The following SCP2 variants were observed in gnomAD, a reference collection of about 807,000 sequenced individuals.
The protein encoded by SCP2 is sterol carrier protein 2, also known as SCP-2/3-oxoacyl-CoA thiolase.
A neutral mutation model predicts 71.4 loss-of-function variants in SCP2; 48 were observed. That is an observed-to-expected ratio of 0.67 (90% CI 0.53 to 0.86). The LOEUF is 0.86. Among genes scored for constraint, SCP2 ranks in the 40% least tolerant of loss-of-function variants. SCP2 has a pLI of 0.00. For synonymous variants in SCP2, 220 were observed against 218.1 expected (o/e 1.01, Z -0.08); for missense variants, 560 against 655.6 (o/e 0.85, Z 1.59).
intron 13 of SCP2, among the ~76,000 whole-genome samples, chr1:53,036,621 TG>T (rs1338456252): frequency 1.3e-5 from 2 of 150,032 alleles, no homozygotes; most frequent in African/African-American, 2.4e-5. Context: ...CTACTTTTTC[TG>T]TTTAATATAA....
At chr1:52,940,725 C>T (rs1187535387) in intron 1 of SCP2, among the ~76,000 whole-genome samples, 1 of 152,170 alleles carries the variant, frequency 6.6e-6, no homozygotes, top group African/African-American at 2.4e-5. Context: ...ACCTAAGGTA[C>T]TTTTATGTTC....
At chr1:52,934,831 A>AT (rs1653547988) in intron 1 of SCP2, 1 of 148,678 alleles carries the variant, frequency 6.7e-6, no homozygotes, top group African/African-American at 2.4e-5. Flanking sequence ...CGCCCGGCTA[A>AT]TTTTTTTGTA....
At chr1:52,991,017 G>C (rs913966050) in intron 11 of SCP2, among the ~76,000 whole-genome samples, 2 of 152,138 alleles carry the variant, frequency 1.3e-5, no homozygotes, top group African/African-American at 4.8e-5. Context: ...AATAGTGCAG[G>C]TACACTTTTA....
At chr1:53,006,147 G>A (rs533185818) in intron 11 of SCP2, among the ~76,000 whole-genome samples, 4 of 152,306 alleles carry the variant, frequency 2.6e-5, no homozygotes, top group South Asian at 2.1e-4. Context: ...CCAAATCTAC[G>A]TCTGACTGGT....
intron 13 of SCP2, among the ~76,000 whole-genome samples, chr1:53,037,921 CA>C (rs151024206): frequency 0.011 from 1,168 of 111,236 alleles, 18 homozygotes; most frequent in African/African-American, 0.028. Flanking sequence ...CACACACACA[CA>C]CACACACAGA....
intron 5 of SCP2, 142 bp from the exon 6 acceptor site, chr1:52,961,361 G>T: frequency 1.2e-6 from 1 of 820,088 alleles, no homozygotes; most frequent in Non-Finnish European, 2.0e-6. Flanking sequence ...TGTGGAGCAT[G>T]TCTTAACTGA....
chr1:52,934,592 C>CTTTTTTTTTTTTTTTTTTTTTTTTT (rs771433635), intron 1 of SCP2, among the ~76,000 whole-genome samples: 1 of 29,036 alleles, frequency 3.4e-5, no homozygotes. Context: ...TTCCAGCTAA[C>CTTTTTTTTTTTTTTTTTTTTTTTTT]TTTTTTTTTT....
intron 6 of SCP2, among the ~76,000 whole-genome samples, chr1:52,971,354 A>G (rs1657481996): frequency 6.6e-6 from 1 of 152,136 alleles, no homozygotes; most frequent in Non-Finnish European, 1.5e-5. Flanking sequence ...TTAAGTGTAT[A>G]TATTTTCTCA....
intron 14 of SCP2, 89 bp downstream of exon 14, chr1:53,039,135 C>CA: frequency 6.7e-7 from 1 of 1,483,054 alleles, no homozygotes. Context: ...TTACTGTTCC[C>CA]AAAAAGGACT....
In SCP2 at chr1:53,012,674, A is replaced by T. The variant is rs570171450; in HGVS notation, c.1082-2216A>T. On this transcript the variant is annotated intron_variant, in intron 11 of 15. Transcript: ENST00000371514. ...CATGGAATGGTTTTGAAGGCATTTT[A>T]AAGACTCTTCATAACTTTGTACATT... is the stretch of plus-strand genomic sequence containing the variant. 5.1e-4 allele frequency among the ~76,000 whole-genome samples: 78 copies of T among 152,364 alleles called. 2 individuals carry two copies. The South Asian group carries it at 0.01, about 20-fold the overall frequency.
In SCP2 at chr1:52,957,363, T is replaced by TA. The variant is rs552865470; in HGVS notation, c.396+2565dup. Among the ~76,000 whole-genome samples the TA allele has an allele frequency of 1.2e-3, 186 of 152,352 alleles. 5 individuals are homozygous for TA. In the South Asian group the frequency reaches 0.036, roughly 30 times the overall value. ...CATATGCATATACACACACACATGT[T>TA]AAAAAACCTTTGTAAATTTACTGCC... On this transcript the variant is annotated intron_variant, in intron 5 of 15. Transcript: ENST00000371514.
intron 5 of SCP2, among the ~76,000 whole-genome samples, chr1:52,959,447 G>A (rs999064162): frequency 9.2e-5 from 14 of 151,892 alleles, no homozygotes; most frequent in African/African-American, 3.1e-4. Flanking sequence ...CACCCGCCTC[G>A]ACCTCCCAAA....
chr1:53,027,020 C>T (rs1662182779), intron 12 of SCP2, among the ~76,000 whole-genome samples: 1 of 151,050 alleles, frequency 6.6e-6, no homozygotes, highest in South Asian at 2.1e-4. Flanking sequence ...CTCACTGCAG[C>T]CTCTATCTCC....
At chr1:52,954,905 T>A (rs573914107) in intron 5 of SCP2, 101 bp downstream of exon 5, 25 of 890,878 alleles carry the variant, frequency 2.8e-5, no homozygotes, top group East Asian at 4.8e-5. Context: ...TTTAGAATAG[T>A]GAAGAATCTT....
At chr1:52,981,177 C>T (rs2150175007) in intron 10 of SCP2, among the ~76,000 whole-genome samples, 1 of 152,272 alleles carries the variant, frequency 6.6e-6, no homozygotes, top group Admixed American at 6.5e-5. Flanking sequence ...GGTGATCCAC[C>T]CACCTAGGCT....
intron 12 of SCP2, 69 bp downstream of exon 12, chr1:53,015,112 A>G: frequency 2.8e-6 from 4 of 1,445,696 alleles, no homozygotes; most frequent in Non-Finnish European, 3.9e-6. Flanking sequence ...GATGTTTTAC[A>G]TGTAAAAATT....
chr1:52,997,799 G>A (rs993837560), intron 11 of SCP2, among the ~76,000 whole-genome samples: 1 of 152,110 alleles, frequency 6.6e-6, no homozygotes, highest in Non-Finnish European at 1.5e-5. Flanking sequence ...TATACATCCA[G>A]GTAGCAACCA....
chr1:52,938,504 G>A (rs1459278140), intron 1 of SCP2, among the ~76,000 whole-genome samples: 1 of 152,110 alleles, frequency 6.6e-6, no homozygotes, highest in Non-Finnish European at 1.5e-5. Flanking sequence ...CACCTGGCCT[G>A]TTTCAGAATT....
At chr1:52,945,930 GT>G (rs906127061) in intron 2 of SCP2, among the ~76,000 whole-genome samples, 86 of 141,566 alleles carry the variant, frequency 6.1e-4, no homozygotes, top group East Asian at 8.1e-4. Flanking sequence ...AAGTTTTTTT[GT>G]TTTTTTTTTT....
Sources: allele counts gnomAD v4.1 joint callset (sites outside exome capture counted in the v4.1 genomes callset), GRCh38; gene constraint gnomAD v4.1.1; transcripts MANE v1.5; gene names NCBI Gene and HGNC (gene_info 2026-07-23, HGNC 2026-07-21).